Variants in GSTA1 observed in about 807,000 individuals in gnomAD.
The protein encoded by GSTA1 is glutathione S-transferase alpha 1, also known as glutathione S-transferase A1.
Under a neutral mutation model 21.5 loss-of-function variants are expected in GSTA1, and 23 were observed. The observed-to-expected ratio is 1.07, with a 90% CI of 0.77 to 1.52. The LOEUF (loss-of-function observed/expected upper bound fraction) is 1.52, where lower values mean the gene tolerates loss of function less well. Among genes scored for constraint, GSTA1 ranks in the 40% most tolerant of loss-of-function variants. The pLI, the probability that GSTA1 is intolerant of heterozygous loss-of-function variation, is 0.00. For synonymous variants in GSTA1, 125 were observed against 90.0 expected, an observed-to-expected ratio of 1.39 and a Z score of -2.20; for missense variants, 301 against 264.2, an observed-to-expected ratio of 1.14 and a Z score of -0.96.
intron 5 of GSTA1, 64 bp downstream of exon 5, chr6:52,794,061 C>A: frequency 1.3e-6 from 2 of 1,598,816 alleles, no homozygotes; most frequent in Non-Finnish European, 1.7e-6. Flanking sequence ...CAGGAATGCC[C>A]AGCCACTATT....
In GSTA1 at chr6:52,791,481, A is replaced by C. The variant is rs1763451846; in HGVS notation, c.*377T>G. ...CAGGATGGTAACTCTTCTCCTGTGCATACCTGAAAATGTCAGAAGTGCATT... is the reference window on the plus strand; with the variant it reads ...CAGGATGGTAACTCTTCTCCTGTGCCTACCTGAAAATGTCAGAAGTGCATT... On this transcript the variant is annotated 3_prime_UTR_variant, in exon 7 of 7. Coordinates refer to ENST00000334575, the MANE Select transcript of GSTA1 (RefSeq NM_145740.5). Among the ~76,000 whole-genome samples the C allele has an allele frequency of 6.6e-6, 1 of 152,266 alleles. No individual in the cohort carries two copies. The highest frequency in any genetic ancestry group is 1.5e-5 in the Non-Finnish European group (1 of 68,046).
Position 52,791,908 on chromosome 6 carries a change from G to T in GSTA1, c.619C>A (p.Pro207Thr). The change falls in exon 7 of 7, where the codon CCC becomes ACC. Residue 207 changes from proline to threonine, a missense_variant. Coordinates refer to ENST00000334575, the MANE Select transcript of GSTA1 (RefSeq NM_145740.5). ...FLQPGSPRKPPMDEKSLEEAR... is the reference protein window; with the variant it reads ...FLQPGSPRKPTMDEKSLEEAR... ...TCTTCTAAAGATTTCTCATCCATGG[G>T]AGGCTTCCTTGGGCTGCCAGGCTGT... 1 of 1,613,938 alleles carries T rather than the reference G, an allele frequency of 6.2e-7. No individual in the cohort carries two copies. The highest frequency in any genetic ancestry group is 8.5e-7 in the Non-Finnish European group (1 of 1,179,866).
In GSTA1 at chr6:52,797,545, A is replaced by G. The variant is rs745734329; in HGVS notation, c.139+41T>C. 1.2e-5 allele frequency: 18 copies of G among 1,513,274 alleles called. No homozygotes were observed. The Middle Eastern group carries it at 6.8e-4, about 57-fold the overall frequency. The allele number at this position is 1,513,274 out of a possible 1,614,324, so 93.7% of individuals were successfully genotyped here. A position where few individuals can be genotyped will look rare whatever the true frequency, so the allele number is the denominator to read the frequency against. ...GCGCAAACCTCCCCGTGTACCTTCT[A>G]CTAGATACCCTCATCAGAGGAACTT... On this transcript the variant is annotated intron_variant, in intron 3 of 6. Transcript: ENST00000334575.
intron 2 of GSTA1, 71 bp downstream of exon 2, chr6:52,799,110 A>T: frequency 7.1e-7 from 1 of 1,407,748 alleles, no homozygotes; most frequent in Non-Finnish European, 1.0e-6. Context: ...AACATCTCAT[A>T]GTTTCTGTGG....
intron 4 of GSTA1, among the ~76,000 whole-genome samples, chr6:52,795,179 T>G (rs1763547600): frequency 6.6e-6 from 1 of 152,178 alleles, no homozygotes; most frequent in African/African-American, 2.4e-5. Flanking sequence ...CCTCTATGGA[T>G]TTGACTATCT....
At chr6:52,792,234 C>T (rs1320579632) in intron 6 of GSTA1, among the ~76,000 whole-genome samples, 1 of 152,070 alleles carries the variant, frequency 6.6e-6, no homozygotes, top group Non-Finnish European at 1.5e-5. Flanking sequence ...ACACACTAAT[C>T]CTATAGATTA....
chr6:52,803,727 G>C (rs1763769393), intron 1 of GSTA1, 58 bp downstream of exon 1: 3 of 178,078 alleles, frequency 1.7e-5, no homozygotes, highest in Non-Finnish European at 1.2e-5. Flanking sequence ...TATTTTTCTA[G>C]GAGGCTAGAG....
chr6:52,796,541 A>ATTTT (rs1198221761), intron 3 of GSTA1, among the ~76,000 whole-genome samples: 406 of 34,286 alleles, frequency 0.012, 54 homozygotes, highest in African/African-American at 0.026. Flanking sequence ...ATATATATAT[A>ATTTT]TATTTTTTTT....
chr6:52,794,321 G>T (rs912862685), intron 4 of GSTA1, 55 bp from the exon 5 acceptor site: 8 of 1,547,984 alleles, frequency 5.2e-6, no homozygotes, highest in Admixed American at 1.9e-5. Flanking sequence ...GATTTTATAG[G>T]TTTATAAAAA....
At chr6:52,792,012 A>G in intron 6 of GSTA1, 32 bp from the exon 7 acceptor site, 1 of 1,612,774 alleles carries the variant, frequency 6.2e-7, no homozygotes, top group Non-Finnish European at 8.5e-7. Context: ...CTCAGAGTGA[A>G]GCCAAGGGCT....
intron 1 of GSTA1, among the ~76,000 whole-genome samples, chr6:52,802,817 C>T (rs560952312): frequency 6.6e-6 from 1 of 152,244 alleles, no homozygotes; most frequent in South Asian, 2.1e-4. Context: ...TGAATCCAGA[C>T]TTATATCAAA....
In GSTA1 at chr6:52,799,012, A is replaced by C. The variant is rs190783173; in HGVS notation, c.87+169T>G. Among the ~76,000 whole-genome samples, 378 of 152,376 alleles carry C rather than the reference A, an allele frequency of 2.5e-3. 2 individuals are homozygous for C. The highest frequency in any genetic ancestry group is 0.017 in the Middle Eastern group (5 of 294). On this transcript the variant is annotated intron_variant, in intron 2 of 6. Transcript: ENST00000334575. ...TTAATATGTTTGCTTTTAGATGAGA[A>C]GAAATTTTAAGAATTAATAGGTCAA...
In GSTA1 at chr6:52,791,914, T is replaced by A; in HGVS notation, c.613A>T (p.Lys205Ter). 1 of 1,614,006 alleles carries A rather than the reference T, an allele frequency of 6.2e-7. No homozygotes were observed. ...AAAGATTTCTCATCCATGGGAGGCT[T>A]CCTTGGGCTGCCAGGCTGTAGAAAC... ...KKFLQPGSPR[K>*]PPMDEKSLEE... The change falls in exon 7 of 7, where the codon AAG becomes TAG. Residue 205 changes from lysine to a stop codon, truncating the protein, a stop_gained. Transcript: ENST00000334575. LOFTEE classifies it low-confidence loss of function (END_TRUNC).
intron 1 of GSTA1, among the ~76,000 whole-genome samples, chr6:52,800,292 C>CT (rs558768654): frequency 6.6e-6 from 1 of 152,158 alleles, no homozygotes; most frequent in Non-Finnish European, 1.5e-5. Flanking sequence ...AATGATGGAT[C>CT]GGGATGCAGA....
rs184822472 is a variant in GSTA1 at position 52,792,826 on chromosome 6, G to T, written c.546+30C>A. The T allele has an allele frequency of 5.9e-4, 957 of 1,613,436 alleles. 10 individuals carry two copies. The African/African-American group carries it at 0.011, about 19-fold the overall frequency. ...AAGATCCCAAGATGGGAGATGTGGG[G>T]CTGCCTCTCTGGGCTGTGAAATGGG... On this transcript the variant is annotated intron_variant, in intron 6 of 6. Coordinates refer to ENST00000334575, the MANE Select transcript of GSTA1 (RefSeq NM_145740.5).
chr6:52,799,580 T>A (rs1286793594), intron 1 of GSTA1, among the ~76,000 whole-genome samples: 1 of 152,170 alleles, frequency 6.6e-6, no homozygotes, highest in Admixed American at 6.5e-5. Context: ...TAGGAGTTAT[T>A]GGAAGAGGAA....
chr6:52,796,677 G>C (rs1467886564), intron 3 of GSTA1, among the ~76,000 whole-genome samples: 1 of 148,594 alleles, frequency 6.7e-6, no homozygotes, highest in African/African-American at 2.5e-5. Flanking sequence ...CCAATAGCTG[G>C]GATTACAGCC....
Position 52,791,724 on chromosome 6 carries a change from A to C in GSTA1, c.*134T>G, listed in dbSNP as rs559775746. ...TAAGTCAGCGAATAGGAGTTGTATT[A>C]TTTAATTAGCATATAATTTGAAAGA... is the stretch of plus-strand genomic sequence containing the variant. On this transcript the variant is annotated 3_prime_UTR_variant, in exon 7 of 7. Coordinates refer to ENST00000334575, the MANE Select transcript of GSTA1 (RefSeq NM_145740.5). 2.2e-5 allele frequency: 22 copies of C among 1,015,654 alleles called. No individual in the cohort carries two copies. The African/African-American group carries it at 3.4e-4, about 16-fold the overall frequency. 62.9% of individuals were successfully genotyped at this position (1,015,654 alleles called of 1,614,324 possible). A position where few individuals can be genotyped will look rare whatever the true frequency, so the allele number is the denominator to read the frequency against.
intron 1 of GSTA1, among the ~76,000 whole-genome samples, 192 bp downstream of exon 1, chr6:52,803,593 A>T (rs4715331): frequency 1 from 151,762 of 152,310 alleles, 75,612 homozygotes; most frequent in Middle Eastern, 1. Context: ...CATTTTTACA[A>T]TTCTGTAAAG....
Sources: gnomAD v4.1 joint callset for allele counts (sites outside exome capture counted in the v4.1 genomes callset) on GRCh38, gnomAD v4.1.1 for gene constraint, MANE v1.5 for transcripts, NCBI Gene and HGNC (gene_info 2026-07-23, HGNC 2026-07-21) for gene names.